Variants in COL5A1 observed in about 807,000 individuals in gnomAD.
The protein encoded by COL5A1 is collagen type V alpha 1 chain.
In COL5A1, 16 loss-of-function variants were observed where a neutral mutation model predicts 263.7. The observed-to-expected ratio is 0.06, with a 90% CI of 0.04 to 0.09. The LOEUF (loss-of-function observed/expected upper bound fraction) is 0.09, where lower values mean the gene tolerates loss of function less well. Ranked by LOEUF, COL5A1 falls within the 10% of genes least tolerant of loss-of-function variation. The pLI is 1.00. For synonymous variants in COL5A1, 1,012 were observed against 1,004.5 expected, an observed-to-expected ratio of 1.01 and a Z score of -0.14; for missense variants, 2,036 against 2,540.5, an observed-to-expected ratio of 0.80 and a Z score of 4.27.
At chr9:134,820,276 C>A in intron 58 of COL5A1, 53 bp downstream of exon 58, 1 of 1,455,692 alleles carries the variant, frequency 6.9e-7, no homozygotes, top group Non-Finnish European at 9.6e-7. Flanking sequence ...ATTTTAGATC[C>A]CTGGGGCAGG....
chr9:134,801,229 C>G (rs762589443), intron 37 of COL5A1, among the ~76,000 whole-genome samples: 2 of 152,250 alleles, frequency 1.3e-5, no homozygotes, highest in African/African-American at 2.4e-5. Context: ...GCAGCTGGCC[C>G]TCGCTCTTGC....
In COL5A1 at chr9:134,691,033, C is replaced by T. The variant is rs767430471; in HGVS notation, c.231C>T (p.Val77=). ...SSKGPDVAYR[V]TKDAQLSAPT... Reference sequence around the variant, plus strand: ...AAGGCCCGGATGTCGCTTACAGAGTCACCAAAGACGCGCAGCTCAGCGCAC... The same window carrying T: ...AAGGCCCGGATGTCGCTTACAGAGTTACCAAAGACGCGCAGCTCAGCGCAC... Residue 77 remains valine, a synonymous_variant, in exon 2 of 66, where the codon GTC becomes GTT. Transcript: ENST00000371817. 6.2e-7 allele frequency: 1 copy of T among 1,613,694 alleles called. No individual in the cohort carries two copies. Among genetic ancestry groups the T allele is most frequent in the Non-Finnish European group, 8.5e-7 (1 of 1,180,052 alleles).
At chr9:134,763,587 A>C in intron 19 of COL5A1, 106 bp from the exon 20 acceptor site, 2 of 1,142,942 alleles carry the variant, frequency 1.7e-6, no homozygotes, top group East Asian at 2.4e-5. Flanking sequence ...AACCTGGCGT[A>C]TGTGAAGCAG....
At chr9:134,768,594 C>T (rs1836763623) in intron 25 of COL5A1, 131 bp downstream of exon 25, 7 of 901,964 alleles carry the variant, frequency 7.8e-6, no homozygotes, top group Non-Finnish European at 1.1e-5. Flanking sequence ...TGATGAAGAC[C>T]CGTTTGGTCT....
intron 18 of COL5A1, among the ~76,000 whole-genome samples, chr9:134,760,191 A>T (rs1359711399): frequency 2.0e-5 from 2 of 102,476 alleles, no homozygotes; most frequent in African/African-American, 3.8e-5. Flanking sequence ...ATACACCCCC[A>T]CACCCCCACA....
At chr9:134,701,601 TG>T (rs1204282921) in intron 4 of COL5A1, among the ~76,000 whole-genome samples, 1 of 152,198 alleles carries the variant, frequency 6.6e-6, no homozygotes, top group Admixed American at 6.5e-5. Flanking sequence ...GTGAGTCTCC[TG>T]GGTGCTGGCT....
At chr9:134,799,583 T>A (rs559455322) in intron 37 of COL5A1, among the ~76,000 whole-genome samples, 1 of 152,308 alleles carries the variant, frequency 6.6e-6, no homozygotes, top group South Asian at 2.1e-4. Flanking sequence ...GCAGGTCCCC[T>A]CGTGGAATGG....
chr9:134,691,338 C>T (rs1833273300), intron 2 of COL5A1, among the ~76,000 whole-genome samples: 1 of 152,214 alleles, frequency 6.6e-6, no homozygotes, highest in South Asian at 2.1e-4. Flanking sequence ...GTGCCCTTGA[C>T]CTTCTATCAG....
chr9:134,798,601 G>C, intron 37 of COL5A1, 140 bp downstream of exon 37: 1 of 235,640 alleles, frequency 4.2e-6, no homozygotes, highest in South Asian at 5.5e-5. Context: ...GGCTCCCAAG[G>C]GCCGGGCCGG....
intron 4 of COL5A1, among the ~76,000 whole-genome samples, chr9:134,707,986 GA>G (rs1414339430): frequency 1.3e-5 from 2 of 152,224 alleles, no homozygotes; most frequent in East Asian, 3.8e-4. Flanking sequence ...CTGGTCGGGG[GA>G]GGGCTGCGGA....
At chr9:134,743,451 C>T (rs992419430) in intron 11 of COL5A1, among the ~76,000 whole-genome samples, 1 of 152,152 alleles carries the variant, frequency 6.6e-6, no homozygotes, top group African/African-American at 2.4e-5. Flanking sequence ...GGTAAAGTAG[C>T]GATCTGCTTC....
At position 134,823,464 on chromosome 9, in the gene COL5A1, C is replaced by T. The variant is rs770278589; in HGVS notation, c.4693C>T (p.Pro1565Ser). The change falls in exon 61 of 66, where the codon CCC becomes TCC. Residue 1565 changes from proline to serine, a missense_variant. Around this residue, in one of 3 missense-constraint regions of COL5A1, gnomAD observed 358 missense variants for 384.6 expected, o/e 0.93. Coordinates refer to ENST00000371817, the MANE Select transcript of COL5A1 (RefSeq NM_000093.5). Reference protein sequence around the residue: ...GEAGHPGPPGPPGPPGEVIQP... With the variant: ...GEAGHPGPPGSPGPPGEVIQP... ...GGCAGGCCACCCAGGACCCCCAGGCCCCCCGGTAAGTAGCCCTTGAAGCCC... is the reference window on the plus strand; with the variant it reads ...GGCAGGCCACCCAGGACCCCCAGGCTCCCCGGTAAGTAGCCCTTGAAGCCC... 8 of 1,614,056 alleles carry T rather than the reference C, an allele frequency of 5.0e-6. No homozygotes were observed. In the African/African-American group the frequency reaches 6.7e-5, roughly 13 times the overall value.
Position 134,768,294 on chromosome 9 carries a change from A to G in COL5A1, c.2233-116A>G, listed in dbSNP as rs527270387. The G allele has an allele frequency of 3.4e-5, 33 of 979,586 alleles. No homozygotes were observed. The African/African-American group carries it at 4.3e-4, about 13-fold the overall frequency. 60.7% of individuals were successfully genotyped at this position (979,586 alleles called of 1,614,324 possible). A position where few individuals can be genotyped will look rare whatever the true frequency, so the allele number is the denominator to read the frequency against. On this transcript the variant is annotated intron_variant, in intron 24 of 65. Transcript: ENST00000371817. ...CCAGGGACCCAGTGCCTCTGACCAC[A>G]CTTCTCAGCAAATGCTGTGTGGGCA...
intron 42 of COL5A1, chr9:134,808,941 G>A (rs1838405496): frequency 1.7e-6 from 1 of 578,026 alleles, no homozygotes; most frequent in Non-Finnish European, 3.1e-6. Flanking sequence ...ATCTGTAAAA[G>A]AGCAGCCTTT....
chr9:134,668,442 G>T (rs985367424), intron 1 of COL5A1, among the ~76,000 whole-genome samples: 1 of 151,392 alleles, frequency 6.6e-6, no homozygotes, highest in Admixed American at 6.6e-5. Context: ...CATTTAGCTT[G>T]GCTATCACTC....
At chr9:134,705,363 C>T (rs1833803867) in intron 4 of COL5A1, among the ~76,000 whole-genome samples, 1 of 152,256 alleles carries the variant, frequency 6.6e-6, no homozygotes, top group Non-Finnish European at 1.5e-5. Flanking sequence ...GTGTCAGCAG[C>T]CCCCTGCGCC....
chr9:134,744,371 C>G (rs1306181856), intron 11 of COL5A1, among the ~76,000 whole-genome samples: 1 of 148,476 alleles, frequency 6.7e-6, no homozygotes, highest in African/African-American at 2.5e-5. Context: ...GCATACATGC[C>G]CACACATGCA....
At chr9:134,782,336 G>A (rs1400241825) in intron 28 of COL5A1, among the ~76,000 whole-genome samples, 3 of 152,230 alleles carry the variant, frequency 2.0e-5, no homozygotes, top group African/African-American at 2.4e-5. Context: ...CTGATGGGAC[G>A]CCACAGAGTG....
chr9:134,792,804 C>T (rs905112117), intron 32 of COL5A1, among the ~76,000 whole-genome samples: 30 of 129,760 alleles, frequency 2.3e-4, no homozygotes, highest in East Asian at 8.9e-4. Flanking sequence ...TGCATGTGTG[C>T]GTGCATGTGT....
Sources: gnomAD v4.1 joint callset for allele counts (sites outside exome capture counted in the v4.1 genomes callset) on GRCh38, gnomAD v4.1.1 for gene constraint, gnomAD v4.1.1 regional missense constraint, MANE v1.5 for transcripts, NCBI Gene and HGNC (gene_info 2026-07-23, HGNC 2026-07-21) for gene names.